SNX7: variants seen among roughly 807,000 people sequenced by gnomAD.
SNX7 encodes sorting nexin 7.
SNX7 carries 35 observed loss-of-function variants against 48.4 expected under a neutral mutation model. The observed-to-expected ratio is 0.72, with a 90% CI of 0.55 to 0.96. The LOEUF is 0.96. Among genes scored for constraint, SNX7 ranks in the 40% least tolerant of loss-of-function variants. The pLI, the probability that SNX7 is intolerant of heterozygous loss-of-function variation, is 0.00. For synonymous variants in SNX7, 190 were observed against 190.2 expected (o/e 1.00, Z 0.01); for missense variants, 553 against 548.9 (o/e 1.01, Z -0.07).
At chr1:98,677,044 T>A (rs907842113) in intron 1 of SNX7, among the ~76,000 whole-genome samples, 4 of 152,206 alleles carry the variant, frequency 2.6e-5, no homozygotes, top group Admixed American at 1.3e-4. Flanking sequence ...AAACTTTTGA[T>A]TCCAACATCT....
chr1:98,712,028 A>G (rs761092534), intron 7 of SNX7, among the ~76,000 whole-genome samples: 3 of 152,190 alleles, frequency 2.0e-5, no homozygotes, highest in South Asian at 2.1e-4. Flanking sequence ...TTCAAATTCT[A>G]TCATGAGATT....
chr1:98,667,728 T>A (rs1649612218), intron 1 of SNX7, among the ~76,000 whole-genome samples: 1 of 152,124 alleles, frequency 6.6e-6, no homozygotes, highest in South Asian at 2.1e-4. Context: ...AAATCCTGGC[T>A]GCACTGCTTA....
intron 1 of SNX7, among the ~76,000 whole-genome samples, chr1:98,670,498 C>T (rs568478095): frequency 6.6e-6 from 1 of 152,260 alleles, no homozygotes; most frequent in South Asian, 2.1e-4. Flanking sequence ...GTGTAAGGAA[C>T]GTTTTGGTCA....
In SNX7 at chr1:98,700,926, GT is replaced by G. The variant is rs1247554540; in HGVS notation, c.1039-888del. ...CTGTACTTCTCTAGCTGGTTGAATTGTTTGCTTGTCCAAACTTAGTTTTATT... is the reference window on the plus strand; with the variant it reads ...CTGTACTTCTCTAGCTGGTTGAATTGTTGCTTGTCCAAACTTAGTTTTATT... On this transcript the variant is annotated intron_variant, in intron 6 of 8. Transcript: ENST00000306121. 2.0e-5 allele frequency among the ~76,000 whole-genome samples: 3 copies of G among 152,108 alleles called. No homozygotes were observed. The East Asian group carries it at 5.8e-4, about 29-fold the overall frequency.
upstream of SNX7, chr1:98,661,703 T>TGGC (rs1168226335): frequency 3.0e-5 from 36 of 1,203,670 alleles, no homozygotes; most frequent in South Asian, 7.5e-4. Flanking sequence ...GCGGCGGCGG[T>TGGC]GGCGGCCGGC....
chr1:98,708,321 C>T (rs1328546098), intron 7 of SNX7, among the ~76,000 whole-genome samples: 4 of 152,124 alleles, frequency 2.6e-5, no homozygotes, highest in African/African-American at 9.6e-5. Flanking sequence ...TTCCTTTTAT[C>T]AGTTTATCCT....
intron 7 of SNX7, among the ~76,000 whole-genome samples, chr1:98,717,695 G>T (rs1018536250): frequency 1.3e-5 from 2 of 152,058 alleles, no homozygotes; most frequent in Non-Finnish European, 2.9e-5. Context: ...AAATTGACCT[G>T]CCTTGTTTAT....
intron 2 of SNX7, among the ~76,000 whole-genome samples, chr1:98,688,900 CTTTTTTCT>C (rs1238009743): frequency 6.6e-6 from 1 of 151,964 alleles, no homozygotes; most frequent in Non-Finnish European, 1.5e-5. Flanking sequence ...TTTTGTGCAT[CTTTTTTCT>C]TTTTTTCTTT....
rs754754023 is a variant in SNX7, at chr1:98,695,504, T to G, written c.640-14T>G. On this transcript the variant is annotated splice_polypyrimidine_tract_variant and intron_variant, in intron 4 of 8. Transcript: ENST00000306121. Reference sequence around the variant, plus strand: ...GACTTGTTTCACTAGAAATACTTGGTTTTTTGTTTCTAGGAACTCTCTTCT... The same window carrying G: ...GACTTGTTTCACTAGAAATACTTGGGTTTTTGTTTCTAGGAACTCTCTTCT... 1.2e-6 allele frequency: 2 copies of G among 1,608,920 alleles called. No individual in the cohort carries two copies. Among genetic ancestry groups the G allele is most frequent in the South Asian group, 1.1e-5 (1 of 89,410 alleles).
chr1:98,727,123 T>A (rs372734562), intron 7 of SNX7, among the ~76,000 whole-genome samples: 1 of 152,166 alleles, frequency 6.6e-6, no homozygotes, highest in South Asian at 2.1e-4. Context: ...GGCAGGAGAA[T>A]GGCGTGAACC....
chr1:98,688,422 C>T (rs1348364200), intron 2 of SNX7, among the ~76,000 whole-genome samples: 2 of 152,220 alleles, frequency 1.3e-5, no homozygotes, highest in South Asian at 2.1e-4. Context: ...TCTCTTAGTA[C>T]ATATAAGAGT....
chr1:98,753,054 A>T (rs1654664680), intron 8 of SNX7, among the ~76,000 whole-genome samples: 1 of 152,078 alleles, frequency 6.6e-6, no homozygotes, highest in African/African-American at 2.4e-5. Context: ...TCATATAAAC[A>T]CACTTAGACC....
chr1:98,681,623 T>A (rs1650495057), intron 1 of SNX7, among the ~76,000 whole-genome samples: 1 of 152,126 alleles, frequency 6.6e-6, no homozygotes, highest in Non-Finnish European at 1.5e-5. Context: ...TTCGAATAGG[T>A]CTATACCATA....
chr1:98,662,757 CACA>C, intron 1 of SNX7: 2 of 1,289,300 alleles, frequency 1.6e-6, no homozygotes, highest in Non-Finnish European at 2.0e-6. Flanking sequence ...GAGTTCAGAT[CACA>C]ACGCTGTATT....
intron 7 of SNX7, among the ~76,000 whole-genome samples, chr1:98,723,342 T>C (rs1469802794): frequency 6.6e-6 from 1 of 150,712 alleles, no homozygotes; most frequent in East Asian, 1.9e-4. Flanking sequence ...CAATAAAGTT[T>C]TAAACGGTTT....
intron 7 of SNX7, among the ~76,000 whole-genome samples, chr1:98,718,609 G>A (rs1408149424): frequency 6.6e-6 from 1 of 151,988 alleles, no homozygotes; most frequent in Non-Finnish European, 1.5e-5. Context: ...ATATTCACAT[G>A]GCTCAAAATT....
intron 8 of SNX7, among the ~76,000 whole-genome samples, chr1:98,747,738 T>C (rs1654374570): frequency 6.6e-6 from 1 of 152,150 alleles, no homozygotes; most frequent in Non-Finnish European, 1.5e-5. Flanking sequence ...AATGGTAGAA[T>C]TAAGTTTAAA....
chr1:98,738,484 T>C (rs1653908418), intron 8 of SNX7, 95 bp downstream of exon 8: 3 of 1,225,310 alleles, frequency 2.4e-6, no homozygotes, highest in Admixed American at 4.1e-5. Context: ...AAAGAACAAG[T>C]GTCACATTCT....
chr1:98,708,833 A>C (rs1367706747), intron 7 of SNX7, among the ~76,000 whole-genome samples: 1 of 152,156 alleles, frequency 6.6e-6, no homozygotes, highest in Non-Finnish European at 1.5e-5. Flanking sequence ...TAAATTGCAA[A>C]AATCACCGTA....
Sources: allele counts gnomAD v4.1 joint callset (sites outside exome capture counted in the v4.1 genomes callset), GRCh38; gene constraint gnomAD v4.1.1; transcripts MANE v1.5; gene names NCBI Gene and HGNC (gene_info 2026-07-23, HGNC 2026-07-21).